Variants in EYA4 observed in about 807,000 individuals in gnomAD.
EYA4 encodes EYA transcriptional coactivator and phosphatase 4.
Under a neutral mutation model 87.9 loss-of-function variants are expected in EYA4, and 31 were observed. The ratio of observed to expected loss-of-function variants is 0.35; its 90% CI spans 0.27 to 0.48. The LOEUF is 0.48. Among genes scored for constraint, EYA4 ranks in the 20% least tolerant of loss-of-function variants. The pLI is 0.99. For missense variants in EYA4, 678 were observed against 761.4 expected (o/e 0.89, Z 1.29); for synonymous variants, 263 against 270.6 (o/e 0.97, Z 0.28).
intron 2 of EYA4, among the ~76,000 whole-genome samples, chr6:133,294,026 TATATATA>T (rs1778720852): frequency 1.7e-4 from 2 of 11,744 alleles, no homozygotes; most frequent in Non-Finnish European, 3.7e-4. Context: ...GGTGATTTTA[TATATATA>T]TATATATATA....
intron 3 of EYA4, among the ~76,000 whole-genome samples, chr6:133,387,474 A>G (rs1302802472): frequency 6.6e-6 from 1 of 152,182 alleles, no homozygotes; most frequent in Non-Finnish European, 1.5e-5. Context: ...AGGTTGGAAT[A>G]TAGTTCTAAA....
chr6:133,420,597 C>T (rs760646788), intron 3 of EYA4, among the ~76,000 whole-genome samples: 24 of 152,220 alleles, frequency 1.6e-4, no homozygotes, highest in Non-Finnish European at 2.9e-4. Flanking sequence ...AAGACTCTGA[C>T]AGCAGGCTCT....
intron 2 of EYA4, among the ~76,000 whole-genome samples, chr6:133,370,912 T>C (rs935119205): frequency 1.3e-5 from 2 of 152,188 alleles, no homozygotes; most frequent in East Asian, 1.9e-4. Context: ...TAAAGAATCC[T>C]GTAGTGTTTA....
chr6:133,363,612 C>T (rs1310189184), intron 2 of EYA4, among the ~76,000 whole-genome samples: 1 of 151,030 alleles, frequency 6.6e-6, no homozygotes, highest in Non-Finnish European at 1.5e-5. Context: ...GCAGCTGGGA[C>T]TACAGGCGCA....
intron 16 of EYA4, among the ~76,000 whole-genome samples, chr6:133,514,042 A>G (rs1799386865): frequency 6.6e-6 from 1 of 152,200 alleles, no homozygotes; most frequent in African/African-American, 2.4e-5. Flanking sequence ...CCTAGCAGTG[A>G]AACACATAAG....
At position 133,528,981 on chromosome 6, in the gene EYA4, T is replaced by C. The variant is rs1400612007; in HGVS notation, c.*176T>C. The C allele has an allele frequency of 6.9e-7, 1 of 1,451,654 alleles. No individual in the cohort carries two copies. Among genetic ancestry groups the C allele is most frequent in the Non-Finnish European group, 9.1e-7 (1 of 1,102,922 alleles). The allele number at this position is 1,451,654 out of a possible 1,614,324, so 89.9% of individuals were successfully genotyped here. A position where few individuals can be genotyped will look rare whatever the true frequency, so the allele number is the denominator to read the frequency against. On this transcript the variant is annotated 3_prime_UTR_variant, in exon 20 of 20. Transcript: ENST00000355286. ...GCTGAATGGAGTTAAACTTTAGTGC[T>C]ACAGAAAAGAAACTCTATGGTCTTA... is the stretch of plus-strand genomic sequence containing the variant.
intron 3 of EYA4, chr6:133,435,306 C>T (rs1003607731): frequency 2.6e-5 from 4 of 152,286 alleles, no homozygotes; most frequent in Admixed American, 6.5e-5. Context: ...GTCACTTGCA[C>T]TGCAAGCACT....
intron 2 of EYA4, among the ~76,000 whole-genome samples, chr6:133,336,954 G>A (rs899232433): frequency 6.8e-5 from 10 of 148,094 alleles, no homozygotes; most frequent in Admixed American, 6.7e-4. Flanking sequence ...TATGCATCTG[G>A]CCGAAAACAG....
In EYA4 at chr6:133,506,081, CATTAT is replaced by C. The variant is rs777787922; in HGVS notation, c.1192-24_1192-20del. On this transcript the variant is annotated intron_variant, in intron 13 of 19. Coordinates refer to ENST00000355286, the MANE Select transcript of EYA4 (RefSeq NM_004100.5). ...ATAAGCGCTTACTGAAATTTTACCTCATTATGTGTACATTTTCTTTACAGGATCCC... is the reference window on the plus strand; with the variant it reads ...ATAAGCGCTTACTGAAATTTTACCTCGTGTACATTTTCTTTACAGGATCCC... 10 of 1,373,418 alleles carry C rather than the reference CATTAT, an allele frequency of 7.3e-6. No homozygotes were observed. Among genetic ancestry groups the C allele is most frequent in the Non-Finnish European group, 1.0e-5 (10 of 960,384 alleles). The allele number at this position is 1,373,418 out of a possible 1,614,324, so 85.1% of individuals were successfully genotyped here. A position where few individuals can be genotyped will look rare whatever the true frequency, so the allele number is the denominator to read the frequency against.
Position 133,530,865 on chromosome 6 carries a change from A to G in EYA4, c.*2060A>G, listed in dbSNP as rs1469280892. On this transcript the variant is annotated 3_prime_UTR_variant, in exon 20 of 20. Transcript: ENST00000355286. ...TATAAAAATAATGATAGTAAATCTT[A>G]TACTTCTGTTGGCCCTTAGCTTGAA... The G allele has an allele frequency of 9.7e-7, 1 of 1,027,468 alleles. No homozygotes were observed. Among genetic ancestry groups the G allele is most frequent in the Non-Finnish European group, 1.2e-6 (1 of 854,956 alleles). 63.6% of individuals were successfully genotyped at this position (1,027,468 alleles called of 1,614,324 possible). A position where few individuals can be genotyped will look rare whatever the true frequency, so the allele number is the denominator to read the frequency against.
intron 17 of EYA4, among the ~76,000 whole-genome samples, chr6:133,518,108 T>A (rs1297365393): frequency 6.6e-6 from 1 of 152,186 alleles, no homozygotes; most frequent in African/African-American, 2.4e-5. Flanking sequence ...CCTGAGCCAC[T>A]GACATGATGT....
chr6:133,372,830 T>G (rs916729196), intron 2 of EYA4, among the ~76,000 whole-genome samples: 2 of 151,860 alleles, frequency 1.3e-5, no homozygotes, highest in Non-Finnish European at 2.9e-5. Flanking sequence ...AAATTTTGTG[T>G]GCATTCTATC....
At chr6:133,370,112 G>A (rs1785155608) in intron 2 of EYA4, among the ~76,000 whole-genome samples, 1 of 152,204 alleles carries the variant, frequency 6.6e-6, no homozygotes, top group African/African-American at 2.4e-5. Context: ...CTACCTGGGT[G>A]TTGGTTAGAG....
At chr6:133,314,142 T>G (rs1242437541) in intron 2 of EYA4, among the ~76,000 whole-genome samples, 1 of 152,180 alleles carries the variant, frequency 6.6e-6, no homozygotes, top group East Asian at 1.9e-4. Flanking sequence ...TATGGTTAAA[T>G]CATTCATCTG....
chr6:133,270,640 T>C (rs1776613817), intron 1 of EYA4, among the ~76,000 whole-genome samples: 1 of 152,208 alleles, frequency 6.6e-6, no homozygotes, highest in African/African-American at 2.4e-5. Context: ...TCATGTTTTT[T>C]TTTCCTTGTG....
intron 1 of EYA4, among the ~76,000 whole-genome samples, chr6:133,261,555 G>C (rs188331357): frequency 2.6e-5 from 4 of 152,224 alleles, no homozygotes; most frequent in Admixed American, 2.6e-4. Flanking sequence ...TGACTTAATC[G>C]AGGAGTTGTT....
rs3065356 is a variant in EYA4, at chr6:133,294,062, T to A, written c.33+19249T>A. ...ATATATATATATATATATATATATA[T>A]AATTCTATTCTATATATAACATTCT... is the stretch of plus-strand genomic sequence containing the variant. On this transcript the variant is annotated intron_variant, in intron 2 of 19. Transcript: ENST00000355286. 2.2e-3 allele frequency among the ~76,000 whole-genome samples: 233 copies of A among 105,130 alleles called. 13 individuals carry two copies. The highest frequency in any genetic ancestry group is 5.3e-3 in the Middle Eastern group (1 of 190). 69.0% of individuals were successfully genotyped at this position (105,130 alleles called of 152,430 possible).
At chr6:133,480,860 G>C (rs1032924713) in intron 11 of EYA4, among the ~76,000 whole-genome samples, 1 of 152,136 alleles carries the variant, frequency 6.6e-6, no homozygotes, top group Non-Finnish European at 1.5e-5. Context: ...AGAGAAAATG[G>C]AAGCAAATAG....
At chr6:133,351,545 C>G (rs1001128971) in intron 2 of EYA4, among the ~76,000 whole-genome samples, 11 of 152,140 alleles carry the variant, frequency 7.2e-5, no homozygotes, top group African/African-American at 1.9e-4. Context: ...GAGGATACCC[C>G]CTCCCGCATC....
Sources: allele counts gnomAD v4.1 joint callset (sites outside exome capture counted in the v4.1 genomes callset), GRCh38; gene constraint gnomAD v4.1.1; transcripts MANE v1.5; gene names NCBI Gene and HGNC (gene_info 2026-07-23, HGNC 2026-07-21).